NOC3L: variants seen among roughly 807,000 people sequenced by gnomAD.
NOC3L encodes nucleolar complex protein 3 homolog.
In NOC3L, 85 loss-of-function variants were observed where a neutral mutation model predicts 102.5. The observed-to-expected ratio is 0.83, with a 90% CI of 0.70 to 0.99. The LOEUF is 0.99. NOC3L is among the 50% of genes least tolerant of loss of function. NOC3L has a pLI of 0.00. For missense variants in NOC3L, 878 were observed against 914.9 expected (o/e 0.96, Z 0.52); for synonymous variants, 303 against 309.4 (o/e 0.98, Z 0.22).
At chr10:94,354,779 AGAAAT>A (rs2054463019) in intron 6 of NOC3L, among the ~76,000 whole-genome samples, 179 bp downstream of exon 6, 1 of 152,248 alleles carries the variant, frequency 6.6e-6, no homozygotes, top group South Asian at 2.1e-4. Context: ...GGATTACAAA[AGAAAT>A]TAAGTTCAGA....
intron 11 of NOC3L, 136 bp downstream of exon 11, chr10:94,346,289 T>G (rs1404220962): frequency 2.7e-5 from 15 of 546,502 alleles, no homozygotes; most frequent in Non-Finnish European, 3.5e-5. Context: ...CAGGAAAAGA[T>G]AAAATTCTCT....
chr10:94,339,052 C>T (rs957892283), intron 17 of NOC3L, among the ~76,000 whole-genome samples: 2 of 152,076 alleles, frequency 1.3e-5, no homozygotes, highest in African/African-American at 4.8e-5. Flanking sequence ...TAAAGATATT[C>T]ACTATAGCAT....
chr10:94,358,854 T>C (rs1247060106), intron 2 of NOC3L, among the ~76,000 whole-genome samples: 12 of 152,330 alleles, frequency 7.9e-5, no homozygotes, highest in East Asian at 1.9e-4. Flanking sequence ...TGCAAGATTA[T>C]CACTTCAACC....
chr10:94,326,915 C>T, the NOC3L span, among the ~76,000 whole-genome samples: 1 of 152,138 alleles, frequency 6.6e-6, no homozygotes, highest in Non-Finnish European at 1.5e-5. Context: ...AATCCCAGCA[C>T]TTTGGGAGGC....
intron 4 of NOC3L, among the ~76,000 whole-genome samples, chr10:94,356,971 A>C (rs1039473745): frequency 1.3e-5 from 2 of 152,212 alleles, no homozygotes; most frequent in Non-Finnish European, 2.9e-5. Flanking sequence ...TGAACCTTGT[A>C]GCTTCAGTTG....
chr10:94,354,260 T>C (rs2054456277), intron 6 of NOC3L, among the ~76,000 whole-genome samples: 1 of 152,222 alleles, frequency 6.6e-6, no homozygotes, highest in Non-Finnish European at 1.5e-5. Context: ...GTTATAATAG[T>C]ATGCTGGGGA....
At chr10:94,358,424 T>TA in intron 2 of NOC3L, among the ~76,000 whole-genome samples, 1 of 152,338 alleles carries the variant, frequency 6.6e-6, no homozygotes, top group Non-Finnish European at 1.5e-5. Context: ...ACTGATATGC[T>TA]AGGCAAACAA....
chr10:94,361,001 A>G (rs1237062829), intron 2 of NOC3L, among the ~76,000 whole-genome samples: 1 of 152,134 alleles, frequency 6.6e-6, no homozygotes, highest in Non-Finnish European at 1.5e-5. Flanking sequence ...ACAGAACAAG[A>G]CCCTGTCTAT....
At chr10:94,354,815 C>A in intron 6 of NOC3L, 148 bp downstream of exon 6, 1 of 657,272 alleles carries the variant, frequency 1.5e-6, no homozygotes, top group East Asian at 2.7e-5. Context: ...AGCTAAGATT[C>A]TGTCTACTCT....
chr10:94,339,254 G>A (rs2054255251), intron 17 of NOC3L, among the ~76,000 whole-genome samples: 1 of 152,164 alleles, frequency 6.6e-6, no homozygotes, highest in South Asian at 2.1e-4. Context: ...CTACCTCAGA[G>A]TTATGAAAAT....
chr10:94,318,174 T>C, the NOC3L span, among the ~76,000 whole-genome samples: 1 of 152,164 alleles, frequency 6.6e-6, no homozygotes, highest in Non-Finnish European at 1.5e-5. Context: ...AAAATGTAAT[T>C]GTCTCCCCAG....
intron 8 of NOC3L, 48 bp downstream of exon 8, chr10:94,352,262 T>A: frequency 7.9e-7 from 1 of 1,272,580 alleles, no homozygotes; most frequent in Non-Finnish European, 1.1e-6. Context: ...TTCACCTTCA[T>A]GATCAAGGCT....
the NOC3L span, chr10:94,316,581 C>T: frequency 2.4e-5 from 38 of 1,608,650 alleles, no homozygotes; most frequent in Non-Finnish European, 3.0e-5. Context: ...AAACCTGTTA[C>T]CACAGACTAT....
At position 94,352,923 on chromosome 10, in the gene NOC3L, G is replaced by A. The variant is rs767229796; in HGVS notation, c.831C>T (p.Pro277=). 6.2e-7 allele frequency: 1 copy of A among 1,613,300 alleles called. No homozygotes were observed. The highest frequency in any genetic ancestry group is 8.5e-7 in the Non-Finnish European group (1 of 1,179,542). ...TAGTAGATTTTTCTGCTTCTGTGAG[G>A]GGCCGGATTTTATATGAAGGAGTAA... The part of the protein sequence containing the change: ...KDITPSYKIR[P]LTEAEKSTKT... Residue 277 remains proline (P), a synonymous_variant, in exon 7 of 21, where the codon CCC becomes CCT. Coordinates refer to ENST00000371361, the MANE Select transcript of NOC3L (RefSeq NM_022451.11).
intron 10 of NOC3L, among the ~76,000 whole-genome samples, chr10:94,348,285 G>A (rs533162149): frequency 1.3e-5 from 2 of 151,500 alleles, no homozygotes; most frequent in South Asian, 4.2e-4. Flanking sequence ...GAGAGACTCC[G>A]TAAATTGGGA....
intron 16 of NOC3L, 130 bp from the exon 17 acceptor site, chr10:94,340,050 G>T: frequency 1.2e-6 from 1 of 804,574 alleles, no homozygotes; most frequent in Non-Finnish European, 2.0e-6. Context: ...CAATGAGGTA[G>T]TGCTATACTG....
chr10:94,324,033 C>G, the NOC3L span, among the ~76,000 whole-genome samples: 1 of 152,164 alleles, frequency 6.6e-6, no homozygotes, highest in Non-Finnish European at 1.5e-5. Context: ...AAATCTGGTT[C>G]AGACCTTTAT....
At chr10:94,324,791 A>C in the NOC3L span, 1 of 1,241,324 alleles carries the variant, frequency 8.1e-7, no homozygotes, top group East Asian at 2.4e-5. Flanking sequence ...CTCTCTCCAA[A>C]GCTCTAGAGA....
chr10:94,345,154 G>C (rs958937210), intron 11 of NOC3L, among the ~76,000 whole-genome samples: 6 of 152,194 alleles, frequency 3.9e-5, no homozygotes, highest in African/African-American at 1.4e-4. Context: ...ATTGGAGAGA[G>C]AAAAGAAATT....
Sources: allele counts gnomAD v4.1 joint callset (sites outside exome capture counted in the v4.1 genomes callset), GRCh38; gene constraint gnomAD v4.1.1; transcripts MANE v1.5; gene names NCBI Gene and HGNC (gene_info 2026-07-23, HGNC 2026-07-21).